Variants in SP7 observed in about 807,000 individuals in gnomAD.
SP7 encodes Sp7 transcription factor.
A neutral mutation model predicts 27.9 loss-of-function variants in SP7; 13 were observed. That is an observed-to-expected ratio of 0.47 (90% CI 0.30 to 0.74). The LOEUF is 0.74. SP7 is among the 30% of genes least tolerant of loss of function. The probability of loss-of-function intolerance (pLI) is 0.06; values close to 1 mark genes in which losing one functional copy is unlikely to be tolerated. For synonymous variants in SP7, 219 were observed against 226.7 expected, an observed-to-expected ratio of 0.97 and a Z score of 0.31; for missense variants, 525 against 558.0, an observed-to-expected ratio of 0.94 and a Z score of 0.60.
intron 1 of SP7, among the ~76,000 whole-genome samples, chr12:53,342,312 C>T (rs890783599): frequency 5.9e-5 from 9 of 152,216 alleles, no homozygotes; most frequent in Non-Finnish European, 1.2e-4. Flanking sequence ...CTCTGGCCTG[C>T]TGCATTCTTC....
chr12:53,327,930 G>GA lies in SP7; in HGVS notation c.*215dup. The GA allele has an allele frequency of 1.8e-6, 1 of 548,278 alleles. No homozygotes were observed. Among genetic ancestry groups the GA allele is most frequent in the South Asian group, 2.6e-5 (1 of 38,162 alleles). 34.0% of individuals were successfully genotyped at this position (548,278 alleles called of 1,614,324 possible). ...GGCACAAGGGGAGGGCCTGAGATGA[G>GA]AGTTTGTGGAAAGCCAGTCTCATGG... On this transcript the variant is annotated 3_prime_UTR_variant, in exon 3 of 3. Coordinates refer to ENST00000536324, the MANE Select transcript of SP7 (RefSeq NM_001173467.3).
At chr12:53,338,038 G>C (rs1355870834), upstream of SP7, among the ~76,000 whole-genome samples, 1 of 151,880 alleles carries the variant, frequency 6.6e-6, no homozygotes, top group Non-Finnish European at 1.5e-5. Flanking sequence ...AACAGGCCCA[G>C]AGGAACAAAG....
Position 53,327,211 on chromosome 12 carries a change from TG to T in SP7, c.*934del, listed in dbSNP as rs776540317. ...GACTTGAGGTTTCACAGCTTCTGGC[TG>T]GGGCTGGGGATATTAGGGATCCCCC... On this transcript the variant is annotated 3_prime_UTR_variant, in exon 3 of 3. Coordinates refer to ENST00000536324, the MANE Select transcript of SP7 (RefSeq NM_001173467.3). The T allele has an allele frequency of 2.2e-4, 33 of 152,640 alleles. No individual in the cohort carries two copies. The highest frequency in any genetic ancestry group is 4.0e-4 in the Non-Finnish European group (27 of 68,034). The allele number at this position is 152,640 out of a possible 1,614,324, so 9.5% of individuals were successfully genotyped here. A position where few individuals can be genotyped will look rare whatever the true frequency, so the allele number is the denominator to read the frequency against.
At chr12:53,335,845 C>A in intron 1 of SP7, 152 bp from the exon 2 acceptor site, 4 of 1,406,974 alleles carry the variant, frequency 2.8e-6, no homozygotes, top group South Asian at 1.6e-5. Flanking sequence ...GCTTTCCCAG[C>A]GGAGAAGGCT....
At chr12:53,335,070 T>C (rs1161576606) in intron 2 of SP7, among the ~76,000 whole-genome samples, 3 of 152,068 alleles carry the variant, frequency 2.0e-5, no homozygotes, top group Non-Finnish European at 2.9e-5. Context: ...GGCCTCCTCC[T>C]TTCTCTCATA....
In SP7 at chr12:53,328,392, C is replaced by T. The variant is rs747054572; in HGVS notation, c.1050G>A (p.Arg350=). 30 of 1,613,754 alleles carry T rather than the reference C, an allele frequency of 1.9e-5. No individual in the cohort carries two copies. In the East Asian group the frequency reaches 4.9e-4, roughly 26 times the overall value. ...ELERHVRTHT[R]EKKFTCLLCS... ...AGAGCAGGCAGGTGAACTTCTTCTC[C>T]CGGGTGTGAGTGCGCACATGACGCT... The change falls in exon 3 of 3, where the codon CGG becomes CGA. Residue 350 remains arginine (R), a synonymous_variant. Coordinates refer to ENST00000536324, the MANE Select transcript of SP7 (RefSeq NM_001173467.3). This position sits in a 1 kb window ranked among gnomAD's most constrained non-coding sequence, Gnocchi z 5.1.
In SP7 at chr12:53,328,273, T is replaced by A. The variant is rs1484222797; in HGVS notation, c.1169A>T (p.Glu390Val). 6.2e-7 allele frequency: 1 copy of A among 1,611,344 alleles called. No individual in the cohort carries two copies. The highest frequency in any genetic ancestry group is 8.5e-7 in the Non-Finnish European group (1 of 1,178,602). Residue 390 changes from glutamate to valine, a missense_variant, in exon 3 of 3, where the codon GAG becomes GTG. Glu to Val is a moderately radical substitution (Grantham distance 121, BLOSUM62 -2). Coordinates refer to ENST00000536324, the MANE Select transcript of SP7 (RefSeq NM_001173467.3). The surrounding 1 kb of genome is among the most constrained non-coding windows in gnomAD (Gnocchi z 5.1). Reference protein sequence around the residue: ...GPGPPPSGPKELGEGRSTGEE... With the variant: ...GPGPPPSGPKVLGEGRSTGEE... ...CCCCGTGCTGCGGCCCTCCCCCAGC[T>A]CCTTGGGGCCACTGGGAGGGGGACC...
At chr12:53,337,573 A>G (rs1374399799), upstream of SP7, among the ~76,000 whole-genome samples, 1 of 149,410 alleles carries the variant, frequency 6.7e-6, no homozygotes, top group African/African-American at 2.5e-5. Flanking sequence ...CATCCTTTCC[A>G]CTCTCCTCAC....
rs879172458 is a variant in SP7 at position 53,335,700 on chromosome 12, C to T, written c.-47-7G>A. On this transcript the variant is annotated splice_region_variant and splice_polypyrimidine_tract_variant and intron_variant, in intron 1 of 2. Transcript: ENST00000536324. Reference sequence around the variant, plus strand: ...GCCAGGCAGATGGAGAGAGCTGAGCCGGGGGGTGGGGGGGGTAGAGAGAGA... The same window carrying T: ...GCCAGGCAGATGGAGAGAGCTGAGCTGGGGGGTGGGGGGGGTAGAGAGAGA... 4 of 117,456 alleles carry T rather than the reference C, an allele frequency of 3.4e-5. No individual in the cohort carries two copies. The highest frequency in any genetic ancestry group is 5.9e-4 in the Admixed American group (2 of 3,384). The allele number at this position is 117,456 out of a possible 1,614,324, so 7.3% of individuals were successfully genotyped here.
chr12:53,341,240 T>C (rs898562541), upstream of SP7, among the ~76,000 whole-genome samples: 1 of 152,238 alleles, frequency 6.6e-6, no homozygotes, highest in Non-Finnish European at 1.5e-5. Context: ...GGACTGACTC[T>C]GGCTCCCCTC....
upstream of SP7, among the ~76,000 whole-genome samples, chr12:53,338,256 T>C (rs370735787): frequency 1.1e-4 from 16 of 152,150 alleles, no homozygotes; most frequent in East Asian, 3.1e-3. Flanking sequence ...CGTGGTGGGG[T>C]GTCCCTGTGA....
intron 2 of SP7, among the ~76,000 whole-genome samples, chr12:53,331,288 G>A (rs900320409): frequency 6.6e-6 from 1 of 152,068 alleles, no homozygotes; most frequent in South Asian, 2.1e-4. Flanking sequence ...TGGCCAAGAT[G>A]GTGAAACCCC....
chr12:53,337,363 G>T (rs779803871), upstream of SP7, among the ~76,000 whole-genome samples: 21 of 152,230 alleles, frequency 1.4e-4, no homozygotes, highest in Non-Finnish European at 2.5e-4. Context: ...GCCAGGTTAG[G>T]AGGGAAACCC....
rs939762405 is a variant in SP7 at position 53,329,244 on chromosome 12, G to T, written c.198C>A (p.Ala66=). Residue 66 remains alanine, a synonymous_variant, in exon 3 of 3, where the codon GCC becomes GCA. Transcript: ENST00000536324. The part of the protein sequence containing the change: ...ASKTMGDAYP[A]PFTSTNGLLS... ...GGAGCCCATTAGTGCTTGTAAAGGGGGCTGGATAAGCATCCCCCATGGTTT... is the reference window on the plus strand; with the variant it reads ...GGAGCCCATTAGTGCTTGTAAAGGGTGCTGGATAAGCATCCCCCATGGTTT... The T allele has an allele frequency of 6.2e-7, 1 of 1,613,810 alleles. No individual in the cohort carries two copies. Among genetic ancestry groups the T allele is most frequent in the African/African-American group, 1.3e-5 (1 of 75,044 alleles).
In SP7 at chr12:53,328,251, C is replaced by T. The variant is rs571877060; in HGVS notation, c.1191G>A (p.Thr397=). The T allele has an allele frequency of 8.1e-6, 13 of 1,612,070 alleles. No homozygotes were observed. The highest frequency in any genetic ancestry group is 1.7e-4 in the Middle Eastern group (1 of 6,054). The part of the protein sequence containing the change: ...GPKELGEGRS[T]GEEEASQTPR... ...GCGTCTGACTGGCCTCCTCTTCCCC[C>T]GTGCTGCGGCCCTCCCCCAGCTCCT... Residue 397 remains threonine, a synonymous_variant, in exon 3 of 3, where the codon ACG becomes ACA. Transcript: ENST00000536324. This position sits in a 1 kb window ranked among gnomAD's most constrained non-coding sequence, Gnocchi z 5.1.
In SP7 at chr12:53,327,802, G is replaced by A. The variant is rs1282920824; in HGVS notation, c.*344C>T. 1.3e-5 allele frequency: 4 copies of A among 298,788 alleles called. No homozygotes were observed. In the East Asian group the frequency reaches 2.3e-4, roughly 17 times the overall value. The allele number at this position is 298,788 out of a possible 1,614,324, so 18.5% of individuals were successfully genotyped here. ...AAATAAGCTTGAGAAGCAGAAAGGG[G>A]TACATGTCAAGGAGTGAGATGGAGA... On this transcript the variant is annotated 3_prime_UTR_variant, in exon 3 of 3. Transcript: ENST00000536324.
rs769481898 is a variant in SP7 at position 53,329,024 on chromosome 12, T to G, written c.418A>C (p.Lys140Gln). The G allele has an allele frequency of 5.0e-6, 8 of 1,613,634 alleles. No individual in the cohort carries two copies. The Admixed American group carries it at 1.3e-4, about 27-fold the overall frequency. Residue 140 changes from lysine (K) to glutamine (Q), a missense_variant, in exon 3 of 3, where the codon AAG (lysine) becomes CAG (glutamine). Lys to Gln is a moderately conservative substitution (Grantham distance 53). Transcript: ENST00000536324. ...DMTHPYGSWY[K>Q]AGIHAGISPG... ...GAAATGCCTGCATGGATGCCTGCCT[T>G]GTACCAGGAGCCATAGGGGTGTGTC... is the stretch of plus-strand genomic sequence containing the variant.
At chr12:53,334,537 G>C (rs1003304086) in intron 2 of SP7, among the ~76,000 whole-genome samples, 1 of 152,204 alleles carries the variant, frequency 6.6e-6, no homozygotes, top group Non-Finnish European at 1.5e-5. Context: ...GCCTGAGCTA[G>C]GGCACTGGGA....
intron 2 of SP7, among the ~76,000 whole-genome samples, chr12:53,330,025 C>T (rs748995072): frequency 5.9e-5 from 9 of 151,876 alleles, no homozygotes; most frequent in South Asian, 2.1e-4. Context: ...TGAGCCACTG[C>T]GCCCGGCCTT....
Sources: allele counts gnomAD v4.1 joint callset (sites outside exome capture counted in the v4.1 genomes callset), GRCh38; gene constraint gnomAD v4.1.1; non-coding constraint Gnocchi (gnomAD v3.1); transcripts MANE v1.5; gene names NCBI Gene and HGNC (gene_info 2026-07-23, HGNC 2026-07-21).